The following SETDB1 variants were observed in gnomAD, a reference collection of about 807,000 sequenced individuals.
SETDB1 encodes histone-lysine N-methyltransferase SETDB1.
A neutral mutation model predicts 137.4 loss-of-function variants in SETDB1; 31 were observed. That is an observed-to-expected ratio of 0.23 (90% CI 0.17 to 0.30). The LOEUF is 0.30. Ranked by LOEUF, SETDB1 falls within the 10% of genes least tolerant of loss-of-function variation. The probability of loss-of-function intolerance (pLI) is 1.00; values close to 1 mark genes in which losing one functional copy is unlikely to be tolerated. For missense variants in SETDB1, 1,113 were observed against 1,631.5 expected (o/e 0.68, Z 5.47); for synonymous variants, 548 against 579.9 (o/e 0.95, Z 0.79).
In SETDB1 at chr1:150,962,622, C is replaced by G. The variant is rs749874049; in HGVS notation, c.3197C>G (p.Pro1066Arg). The change falls in exon 18 of 22, where the codon CCT becomes CGT. Residue 1066 changes from proline (P) to arginine (R), a missense_variant. Pro to Arg is a moderately radical substitution (Grantham distance 103). Around this residue, in one of 11 missense-constraint regions of SETDB1, gnomAD observed 373 missense variants for 412.7 expected, o/e 0.90. Transcript: ENST00000692827. ...TESSRNYGYN[P>R]SPVKPEGLRR... is the part of the protein sequence containing the mutation. ...AGCTCTCGAAATTACGGTTACAATC[C>G]TTCTCCTGTGAAGCCTGAAGGACTT... is the stretch of plus-strand genomic sequence containing the variant. 6.2e-7 allele frequency: 1 copy of G among 1,613,956 alleles called. No individual in the cohort carries two copies. The highest frequency in any genetic ancestry group is 1.1e-5 in the South Asian group (1 of 91,066).
chr1:150,951,354 C>T lies in SETDB1; in HGVS notation c.2217-11C>T, dbSNP rs1052908821. The T allele has an allele frequency of 3.8e-6, 6 of 1,566,612 alleles. No homozygotes were observed. Among genetic ancestry groups the T allele is most frequent in the Non-Finnish European group, 5.3e-6 (6 of 1,137,320 alleles). Reference sequence around the variant, plus strand: ...CCCCGCTCCTTTCCTTTATTTCCCTCTGTCATATAGGTCCAAGTGTGCCTG... The same window carrying T: ...CCCCGCTCCTTTCCTTTATTTCCCTTTGTCATATAGGTCCAAGTGTGCCTG... On this transcript the variant is annotated splice_polypyrimidine_tract_variant and intron_variant, in intron 13 of 21. Coordinates refer to ENST00000692827, the MANE Select transcript of SETDB1 (RefSeq NM_001366418.1).
At chr1:150,953,941 G>A (rs947494305) in intron 14 of SETDB1, among the ~76,000 whole-genome samples, 12 of 151,030 alleles carry the variant, frequency 7.9e-5, no homozygotes, top group African/African-American at 1.5e-4. Flanking sequence ...TGCAAGCTCC[G>A]CCTTCCGGGT....
intron 3 of SETDB1, 24 bp from the exon 4 acceptor site, chr1:150,939,916 C>CTAAT: frequency 6.3e-7 from 1 of 1,598,048 alleles, no homozygotes; most frequent in Non-Finnish European, 8.6e-7. Flanking sequence ...CTCTGACACT[C>CTAAT]ATTAGAGTTC....
At chr1:150,948,030 G>A (rs1670379267) in intron 10 of SETDB1, among the ~76,000 whole-genome samples, 1 of 151,644 alleles carries the variant, frequency 6.6e-6, no homozygotes, top group South Asian at 2.1e-4. Context: ...CCAGGAGTTG[G>A]AGATCAGTCT....
intron 14 of SETDB1, among the ~76,000 whole-genome samples, chr1:150,952,382 T>A (rs1424220117): frequency 6.6e-6 from 1 of 151,906 alleles, no homozygotes; most frequent in African/African-American, 2.4e-5. Flanking sequence ...ATAGTAGAGG[T>A]AAGAAGGATA....
At position 150,949,377 on chromosome 1, in the gene SETDB1, A is replaced by T. The variant is rs1478683696; in HGVS notation, c.1435A>T (p.Ser479Cys). The change falls in exon 12 of 22, where the codon AGC becomes TGC. Residue 479 changes from serine to cysteine, a missense_variant. Coordinates refer to ENST00000692827, the MANE Select transcript of SETDB1 (RefSeq NM_001366418.1). ...TCTCTAATCTCCTAGAAGCTTGGAA[A>T]GCCAGCTTGCCCAGTCACGGAAGCA... ...PQAGDSESLE[S>C]QLAQSRKQVA... The T allele has an allele frequency of 3.1e-6, 5 of 1,614,220 alleles. No individual in the cohort carries two copies. The South Asian group carries it at 5.5e-5, about 18-fold the overall frequency.
rs1201213765 is a variant in SETDB1 at position 150,963,358 on chromosome 1, G to A, written c.3461-172G>A. 3.1e-5 allele frequency: 23 copies of A among 741,408 alleles called. 1 individual carries two copies. In the South Asian group the frequency reaches 3.8e-4, roughly 12 times the overall value. The allele number at this position is 741,408 out of a possible 1,614,324, so 45.9% of individuals were successfully genotyped here. On this transcript the variant is annotated intron_variant, in intron 19 of 21. Transcript: ENST00000692827. ...TTCCCCTCAGCTCCTTTGTCTAGCA[G>A]ATCTAATTATGCTTGAAAAAAAAAC...
At chr1:150,930,609 A>T (rs587595915) in intron 3 of SETDB1, among the ~76,000 whole-genome samples, 2 of 135,146 alleles carry the variant, frequency 1.5e-5, no homozygotes, top group African/African-American at 5.6e-5. Flanking sequence ...GCTCACTGCA[A>T]CCTCTGCCTC....
intron 14 of SETDB1, among the ~76,000 whole-genome samples, chr1:150,958,268 T>TG (rs1387501586): frequency 6.7e-6 from 1 of 148,764 alleles, no homozygotes; most frequent in African/African-American, 2.5e-5. Context: ...TTTTTTTTTT[T>TG]TGTGACAGAG....
chr1:150,949,044 G>A lies in SETDB1; in HGVS notation c.1268-78G>A, dbSNP rs587664491. ...ATTGCTTCCTTTTTATATTGTATAA[G>A]TTAAGGATCAGATGTGTGACTGAAT... On this transcript the variant is annotated intron_variant, in intron 10 of 21. Transcript: ENST00000692827. The A allele has an allele frequency of 1.5e-4, 212 of 1,370,046 alleles. 1 individual carries two copies. The South Asian group carries it at 2.6e-3, about 17-fold the overall frequency. 84.9% of individuals were successfully genotyped at this position (1,370,046 alleles called of 1,614,324 possible). A position where few individuals can be genotyped will look rare whatever the true frequency, so the allele number is the denominator to read the frequency against.
In SETDB1 at chr1:150,950,530, C is replaced by T. The variant is rs755217011; in HGVS notation, c.1656C>T (p.Phe552=). Reference sequence around the variant, plus strand: ...CGGCCCCTCCAGCACCCCCAGTCTTCCATGGCATGCTGGAGCGGGCCCCAG... The same window carrying T: ...CGGCCCCTCCAGCACCCCCAGTCTTTCATGGCATGCTGGAGCGGGCCCCAG... The part of the protein sequence containing the change: ...ALPAPPAPPV[F]HGMLERAPAE... The change falls in exon 13 of 22, where the codon TTC becomes TTT. Residue 552 remains phenylalanine, a synonymous_variant. Transcript: ENST00000692827. 3.1e-6 allele frequency: 5 copies of T among 1,614,008 alleles called. No individual in the cohort carries two copies. The South Asian group carries it at 4.4e-5, about 14-fold the overall frequency.
At position 150,960,818 on chromosome 1, in the gene SETDB1, G is replaced by A; in HGVS notation, c.2759G>A (p.Ser920Asn). The A allele has an allele frequency of 1.2e-6, 2 of 1,606,162 alleles. No homozygotes were observed. The highest frequency in any genetic ancestry group is 1.7e-6 in the Non-Finnish European group (2 of 1,176,280). Residue 920 changes from serine (S) to asparagine (N), a missense_variant, in exon 16 of 22, where the codon AGT becomes AAT. Ser to Asn is a conservative substitution (Grantham distance 46). Transcript: ENST00000692827. ...TGTAAGGATGAGGACTTCAGCACCA[G>A]TTCAGTGTGGCGGAGCTATGCTACC... ...NFCKDEDFST[S>N]SVWRSYATRR...
At chr1:150,929,532 C>T (rs1392392392) in intron 2 of SETDB1, among the ~76,000 whole-genome samples, 1 of 151,930 alleles carries the variant, frequency 6.6e-6, no homozygotes, top group Non-Finnish European at 1.5e-5. Context: ...GCGTGTGCCA[C>T]CACACCCGGC....
intron 19 of SETDB1, 59 bp from the exon 20 acceptor site, chr1:150,963,471 G>C: frequency 7.4e-7 from 1 of 1,350,338 alleles, no homozygotes; most frequent in Non-Finnish European, 1.0e-6. Context: ...GTCCATTCAT[G>C]ATAGAATGTC....
In SETDB1 at chr1:150,945,459, G is replaced by A. The variant is rs372464043; in HGVS notation, c.1140+351G>A. 172 of 393,768 alleles carry A rather than the reference G, an allele frequency of 4.4e-4. 2 individuals are homozygous for A. In the South Asian group the frequency reaches 7.7e-3, roughly 18 times the overall value. 24.4% of individuals were successfully genotyped at this position (393,768 alleles called of 1,614,324 possible). On this transcript the variant is annotated intron_variant, in intron 9 of 21. Transcript: ENST00000692827. ...TGGGACGAAGAAGAGGGATCAAGGA[G>A]TCCTGATTATCTTTCAAGGCTCAGT...
At position 150,937,184 on chromosome 1, in the gene SETDB1, A is replaced by G. The variant is rs1370920524; in HGVS notation, c.413-2756A>G. Among the ~76,000 whole-genome samples the G allele has an allele frequency of 2.7e-5, 4 of 149,842 alleles. No homozygotes were observed. The Admixed American group carries it at 2.7e-4, about 10-fold the overall frequency. ...CCACCCAAGGGATTATTACACAGCCACTAAAAAAAAAAAGAAAAAAAAAAG... is the reference window on the plus strand; with the variant it reads ...CCACCCAAGGGATTATTACACAGCCGCTAAAAAAAAAAAGAAAAAAAAAAG... On this transcript the variant is annotated intron_variant, in intron 3 of 21. Transcript: ENST00000692827.
chr1:150,937,511 A>G (rs1669982300), intron 3 of SETDB1, among the ~76,000 whole-genome samples: 1 of 152,128 alleles, frequency 6.6e-6, no homozygotes, highest in Non-Finnish European at 1.5e-5. Flanking sequence ...CTGGCTACTC[A>G]GGAGGTTGAG....
intron 10 of SETDB1, 41 bp from the exon 11 acceptor site, chr1:150,949,081 A>G: frequency 6.3e-7 from 1 of 1,580,508 alleles, no homozygotes; most frequent in Admixed American, 1.7e-5. Context: ...CAAGCGTCAT[A>G]GCTATCATCT....
chr1:150,942,277 A>G (rs1018544382), intron 5 of SETDB1, among the ~76,000 whole-genome samples: 4 of 151,854 alleles, frequency 2.6e-5, no homozygotes, highest in Admixed American at 1.3e-4. Context: ...CGTCTCTACT[A>G]AAAATATAAA....
Sources: allele counts gnomAD v4.1 joint callset (sites outside exome capture counted in the v4.1 genomes callset), GRCh38; gene constraint gnomAD v4.1.1; regional missense constraint gnomAD v4.1.1; transcripts MANE v1.5; gene names NCBI Gene and HGNC (gene_info 2026-07-23, HGNC 2026-07-21).